The following MDK variants were observed in gnomAD, a reference collection of about 807,000 sequenced individuals.
The protein encoded by MDK is midkine, also known as amphiregulin-associated protein.
In MDK, 17 loss-of-function variants were observed where a neutral mutation model predicts 18.9. That is an observed-to-expected ratio of 0.90 (90% CI 0.62 to 1.35). The LOEUF is 1.35. MDK is among the 40% of genes most tolerant of loss of function. The pLI is 0.00. For synonymous variants in MDK, 86 were observed against 74.3 expected, an observed-to-expected ratio of 1.16 and a Z score of -0.81; for missense variants, 180 against 186.3, an observed-to-expected ratio of 0.97 and a Z score of 0.20.
rs897709218 is a variant in MDK, at chr11:46,383,709, C to T, written c.*215C>T. 8 of 677,868 alleles carry T rather than the reference C, an allele frequency of 1.2e-5. No homozygotes were observed. Among genetic ancestry groups the T allele is most frequent in the Non-Finnish European group, 1.9e-5 (7 of 367,488 alleles). The allele number at this position is 677,868 out of a possible 1,614,324, so 42.0% of individuals were successfully genotyped here. On this transcript the variant is annotated 3_prime_UTR_variant, in exon 5 of 5. Transcript: ENST00000395566. ...GGATTCTGGGAAGCTTGAGCCTCCC[C>T]CAAAGCAATGTGAGTCCCAGAGCCC...
intron 4 of MDK, 42 bp downstream of exon 4, chr11:46,382,790 G>GGGGGGCGCCC: frequency 1.0e-6 from 1 of 985,982 alleles, no homozygotes; most frequent in Non-Finnish European, 1.3e-6. Flanking sequence ...GCGGGGGGCT[G>GGGGGGCGCCC]CCCCCCCCCC....
intron 2 of MDK, 21 bp downstream of exon 2, chr11:46,382,154 G>A: frequency 1.2e-6 from 2 of 1,610,236 alleles, no homozygotes; most frequent in Non-Finnish European, 1.7e-6. Flanking sequence ...ATGATCGAAG[G>A]AGGGCTGGGG....
chr11:46,382,627 T>C lies in MDK; in HGVS notation c.285T>C (p.Asp95=). The C allele has an allele frequency of 6.2e-7, 1 of 1,612,688 alleles. No homozygotes were observed. Among genetic ancestry groups the C allele is most frequent in the Non-Finnish European group, 8.5e-7 (1 of 1,179,794 alleles). ...KYKFENWGAC[D]GGTGTKVRQG... ...AGTTTGAGAACTGGGGTGCGTGTGA[T>C]GGGGGCACAGGCACCAAAGTCCGCC... Residue 95 remains aspartate, a synonymous_variant, in exon 4 of 5, where the codon GAT becomes GAC. Coordinates refer to ENST00000395566, the MANE Select transcript of MDK (RefSeq NM_002391.6).
rs767908543 is a variant in MDK, at chr11:46,382,766, G to A, written c.406+18G>A. On this transcript the variant is annotated intron_variant, in intron 4 of 4. Transcript: ENST00000395566. ...GGCCAAAGGTCAGCGAAAGGAGAAG[G>A]GGGTGGGGCTGTCGCGGGGGGCTGC... 2.5e-5 allele frequency: 40 copies of A among 1,593,078 alleles called. No individual in the cohort carries two copies. The highest frequency in any genetic ancestry group is 3.3e-5 in the Non-Finnish European group (39 of 1,169,520).
At position 46,382,663 on chromosome 11, in the gene MDK, G is replaced by T. The variant is rs145465168; in HGVS notation, c.321G>T (p.Leu107=). Residue 107 remains leucine, a synonymous_variant, in exon 4 of 5, where the codon CTG becomes CTT. Coordinates refer to ENST00000395566, the MANE Select transcript of MDK (RefSeq NM_002391.6). ...GCACCAAAGTCCGCCAAGGCACCCT[G>T]AAGAAGGCGCGCTACAATGCTCAGT... is the stretch of plus-strand genomic sequence containing the variant. ...GTGTKVRQGT[L]KKARYNAQCQ... The T allele has an allele frequency of 1.9e-6, 3 of 1,613,036 alleles. No homozygotes were observed. In the African/African-American group the frequency reaches 4.0e-5, roughly 22 times the overall value.
chr11:46,382,894 T>C (rs1201002712), intron 4 of MDK, 146 bp downstream of exon 4: 4 of 940,794 alleles, frequency 4.3e-6, no homozygotes, highest in African/African-American at 1.7e-5. Flanking sequence ...CTTCCCTGCC[T>C]GGAAAAGTCT....
At chr11:46,381,873 T>C in intron 1 of MDK, 115 bp downstream of exon 1, 2 of 563,898 alleles carry the variant, frequency 3.5e-6, no homozygotes, top group South Asian at 2.4e-5. Context: ...CCCCGGGGAG[T>C]CGCCTCTTAG....
chr11:46,381,758 A>C lies in MDK; in HGVS notation c.-2A>C. ...AGCGAAGCAGCGCGGGCAGCGAGCGAGTGAGCGCGCGGCGGCCCCTGGTCC... is the reference window on the plus strand; with the variant it reads ...AGCGAAGCAGCGCGGGCAGCGAGCGCGTGAGCGCGCGGCGGCCCCTGGTCC... On this transcript the variant is annotated splice_region_variant and 5_prime_UTR_variant, in exon 1 of 5. Transcript: ENST00000395566. 9.2e-6 allele frequency: 2 copies of C among 217,290 alleles called. No homozygotes were observed. The highest frequency in any genetic ancestry group is 2.9e-5 in the African/African-American group (1 of 34,264). The allele number at this position is 217,290 out of a possible 1,614,324, so 13.5% of individuals were successfully genotyped here.
chr11:46,382,787 G>T (rs1029239102), intron 4 of MDK, 39 bp downstream of exon 4: 1 of 1,498,516 alleles, frequency 6.7e-7, no homozygotes, highest in Non-Finnish European at 8.9e-7. Flanking sequence ...GTCGCGGGGG[G>T]CTGCCCCCCC....
Position 46,382,360 on chromosome 11 carries a change from G to A in MDK, c.143G>A (p.Ser48Asn). 1 of 1,594,812 alleles carries A rather than the reference G, an allele frequency of 6.3e-7. No homozygotes were observed. Among genetic ancestry groups the A allele is most frequent in the Non-Finnish European group, 8.5e-7 (1 of 1,172,556 alleles). ...AEWAWGPCTPSSKDCGVGFRE... is the reference protein window; with the variant it reads ...AEWAWGPCTPNSKDCGVGFRE... ...TGGGCCTGGGGGCCCTGCACCCCCA[G>A]CAGCAAGGATTGCGGCGTGGGTTTC... Residue 48 changes from serine (S) to asparagine (N), a missense_variant, in exon 3 of 5, where the codon AGC becomes AAC. By Grantham distance (46) the Ser-to-Asn change is conservative. Transcript: ENST00000395566.
At chr11:46,382,227 A>T in intron 2 of MDK, 67 bp from the exon 3 acceptor site, 2 of 1,603,886 alleles carry the variant, frequency 1.2e-6, no homozygotes, top group African/African-American at 2.7e-5. Context: ...CTGGAACCCC[A>T]GGAAGGCGGC....
At chr11:46,382,002 G>C (rs973742751) in intron 1 of MDK, 55 bp from the exon 2 acceptor site, 11 of 1,517,760 alleles carry the variant, frequency 7.2e-6, no homozygotes, top group Non-Finnish European at 9.8e-6. Context: ...CCTGCACGCG[G>C]CCCCCGGTGG....
chr11:46,381,975 C>T (rs1565100080), intron 1 of MDK, 82 bp from the exon 2 acceptor site: 9 of 1,418,440 alleles, frequency 6.3e-6, no homozygotes, highest in South Asian at 3.7e-5. Context: ...AAGTGGAGCA[C>T]GCGGAGGTGG....
chr11:46,383,292 TCCCATGTCCACATCACAATGGCTGC>T (rs1945276151), intron 4 of MDK, 152 bp from the exon 5 acceptor site: 1 of 557,926 alleles, frequency 1.8e-6, no homozygotes, highest in South Asian at 2.3e-5. Flanking sequence ...GCTGGGGATG[TCCCATGTCCACATCACAATGGCTGC>T]CCCATCCCCT....
chr11:46,383,727 C>G lies in MDK; in HGVS notation c.*233C>G. On this transcript the variant is annotated 3_prime_UTR_variant, in exon 5 of 5. Coordinates refer to ENST00000395566, the MANE Select transcript of MDK (RefSeq NM_002391.6). ...GCCTCCCCCAAAGCAATGTGAGTCC[C>G]AGAGCCCGCTTTTGTTCTTCCCCAC... The G allele has an allele frequency of 1.5e-6, 1 of 655,158 alleles. No individual in the cohort carries two copies. The allele number at this position is 655,158 out of a possible 1,614,324, so 40.6% of individuals were successfully genotyped here. A position where few individuals can be genotyped will look rare whatever the true frequency, so the allele number is the denominator to read the frequency against.
upstream of MDK, chr11:46,381,238 T>G (rs1488135405): frequency 1.3e-5 from 2 of 152,048 alleles, no homozygotes; most frequent in East Asian, 3.9e-4. Flanking sequence ...GAGCCGGCCG[T>G]GGAGGGGAGC....
Position 46,382,803 on chromosome 11 carries a change from C to A in MDK, c.406+55C>A, listed in dbSNP as rs1270538278. On this transcript the variant is annotated intron_variant, in intron 4 of 4. Coordinates refer to ENST00000395566, the MANE Select transcript of MDK (RefSeq NM_002391.6). Reference sequence around the variant, plus strand: ...TCGCGGGGGGCTGCCCCCCCCCCCCCCCGCCTGTGAGGGGACAATTCCAAG... The same window carrying A: ...TCGCGGGGGGCTGCCCCCCCCCCCCACCGCCTGTGAGGGGACAATTCCAAG... 10 of 1,481,092 alleles carry A rather than the reference C, an allele frequency of 6.8e-6. 1 individual carries two copies. Among genetic ancestry groups the A allele is most frequent in the African/African-American group, 1.7e-5 (1 of 60,452 alleles). The allele number at this position is 1,481,092 out of a possible 1,614,324, so 91.7% of individuals were successfully genotyped here. A position where few individuals can be genotyped will look rare whatever the true frequency, so the allele number is the denominator to read the frequency against.
chr11:46,381,770 G>GC lies in MDK; in HGVS notation c.-2+13dup, dbSNP rs1945178922. 3.5e-6 allele frequency: 1 copy of GC among 285,628 alleles called. No homozygotes were observed. The highest frequency in any genetic ancestry group is 2.2e-5 in the African/African-American group (1 of 44,914). 17.7% of individuals were successfully genotyped at this position (285,628 alleles called of 1,614,324 possible). Reference sequence around the variant, plus strand: ...CGGGCAGCGAGCGAGTGAGCGCGCGGCGGCCCCTGGTCCGCCCGGCCGCGG... The same window carrying GC: ...CGGGCAGCGAGCGAGTGAGCGCGCGGCCGGCCCCTGGTCCGCCCGGCCGCGG... On this transcript the variant is annotated intron_variant, in intron 1 of 4. Transcript: ENST00000395566.
Position 46,382,524 on chromosome 11 carries a change from G to T in MDK, c.244+63G>T, listed in dbSNP as rs78369317. The T allele has an allele frequency of 5.7e-4, 885 of 1,552,782 alleles. 20 individuals carry two copies. The East Asian group carries it at 0.021, about 36-fold the overall frequency. Reference sequence around the variant, plus strand: ...GCACAGCCTCGCCGAAGCCTGGGCGGACCCTTGGCGGAGGGCGGGGCCGCG... The same window carrying T: ...GCACAGCCTCGCCGAAGCCTGGGCGTACCCTTGGCGGAGGGCGGGGCCGCG... On this transcript the variant is annotated intron_variant, in intron 3 of 4. Transcript: ENST00000395566.
Sources: gnomAD v4.1 joint callset for allele counts on GRCh38, gnomAD v4.1.1 for gene constraint, MANE v1.5 for transcripts, NCBI Gene and HGNC (gene_info 2026-07-23, HGNC 2026-07-21) for gene names.